The following PPP1R16B variants were observed in gnomAD, a reference collection of about 807,000 sequenced individuals.
The protein encoded by PPP1R16B is protein phosphatase 1 regulatory inhibitor subunit 16B.
Under a neutral mutation model 61.7 loss-of-function variants are expected in PPP1R16B, and 14 were observed. That is an observed-to-expected ratio of 0.23 (90% confidence interval 0.15 to 0.35). PPP1R16B has a LOEUF of 0.35. PPP1R16B is among the 10% of genes least tolerant of loss of function. The pLI, the probability that PPP1R16B is intolerant of heterozygous loss-of-function variation, is 1.00. For synonymous variants in PPP1R16B, 266 were observed against 305.3 expected, an observed-to-expected ratio of 0.87 and a Z score of 1.34; for missense variants, 547 against 752.5, an observed-to-expected ratio of 0.73 and a Z score of 3.19.
At chr20:38,904,309 C>A (rs545210046) in intron 6 of PPP1R16B, among the ~76,000 whole-genome samples, 1 of 152,312 alleles carries the variant, frequency 6.6e-6, no homozygotes, top group South Asian at 2.1e-4. Flanking sequence ...TGGGGCTGGC[C>A]TCAGGGTGGC....
intron 10 of PPP1R16B, among the ~76,000 whole-genome samples, chr20:38,909,355 G>A (rs1198154119): frequency 2.6e-5 from 4 of 152,184 alleles, no homozygotes; most frequent in Non-Finnish European, 5.9e-5. Flanking sequence ...TGCCAATCCA[G>A]TATGACCTAA....
At chr20:38,865,544 G>C (rs2085084780) in intron 2 of PPP1R16B, among the ~76,000 whole-genome samples, 1 of 152,116 alleles carries the variant, frequency 6.6e-6, no homozygotes, top group Non-Finnish European at 1.5e-5. Context: ...GCCTGCCTCG[G>C]CCTCCTAAAG....
intron 1 of PPP1R16B, among the ~76,000 whole-genome samples, chr20:38,834,211 A>G (rs1232954857): frequency 6.6e-6 from 1 of 152,128 alleles, no homozygotes; most frequent in Non-Finnish European, 1.5e-5. Flanking sequence ...GGGTCTCGCT[A>G]TGTTCCCCAG....
chr20:38,895,834 C>CCCTCCCTCCCTCCTTCCTTCTTTCT (rs2085332784), intron 4 of PPP1R16B, 124 bp downstream of exon 4: 2 of 986,398 alleles, frequency 2.0e-6, no homozygotes, highest in African/African-American at 1.9e-5. Flanking sequence ...CCTTCTTTCT[C>CCCTCCCTCCCTCCTTCCTTCTTTCT]TCCTCCCTTC....
At chr20:38,807,970 T>G (rs574141457) in intron 1 of PPP1R16B, among the ~76,000 whole-genome samples, 2 of 152,296 alleles carry the variant, frequency 1.3e-5, no homozygotes, top group Admixed American at 6.5e-5. Context: ...GACTTTGCTC[T>G]CCCTGGTAAT....
intron 2 of PPP1R16B, among the ~76,000 whole-genome samples, chr20:38,855,128 C>T (rs1321068771): frequency 7.9e-5 from 12 of 152,066 alleles, no homozygotes; most frequent in Non-Finnish European, 1.5e-4. Context: ...AGAAAAGGAC[C>T]TGCCCCCTGA....
At position 38,895,603 on chromosome 20, in the gene PPP1R16B, C is replaced by G. The variant is rs148704863; in HGVS notation, c.360C>G (p.Leu120=). 8.2e-5 allele frequency: 132 copies of G among 1,613,618 alleles called. No homozygotes were observed. In the African/African-American group the frequency reaches 1.7e-3, roughly 20 times the overall value. ...ACTTTGAGGAAATTGTGAAGCTGCT[C>G]CTCTCCCATGGTGCCAATGTGAACG... ...IDNFEEIVKL[L]LSHGANVNAK... The change falls in exon 4 of 11, where the codon CTC becomes CTG. Residue 120 remains leucine, a synonymous_variant. Coordinates refer to ENST00000299824, the MANE Select transcript of PPP1R16B (RefSeq NM_015568.4).
At chr20:38,831,384 G>T (rs1297137291) in intron 1 of PPP1R16B, among the ~76,000 whole-genome samples, 1 of 152,242 alleles carries the variant, frequency 6.6e-6, no homozygotes, top group East Asian at 1.9e-4. Context: ...GCCCTGTCTT[G>T]GGGCCGCCTA....
At chr20:38,899,833 A>G (rs558507731) in intron 4 of PPP1R16B, among the ~76,000 whole-genome samples, 3 of 150,626 alleles carry the variant, frequency 2.0e-5, no homozygotes, top group African/African-American at 4.9e-5. Context: ...GTCTTGCTCT[A>G]TCACCCAGGC....
intron 10 of PPP1R16B, among the ~76,000 whole-genome samples, chr20:38,914,659 G>A (rs902941327): frequency 7.9e-5 from 12 of 152,086 alleles, no homozygotes; most frequent in African/African-American, 2.7e-4. Flanking sequence ...ATGGATATAG[G>A]TGGGTTTTGT....
intron 5 of PPP1R16B, among the ~76,000 whole-genome samples, chr20:38,901,560 C>T (rs1456077173): frequency 6.6e-6 from 1 of 152,184 alleles, no homozygotes; most frequent in Non-Finnish European, 1.5e-5. Flanking sequence ...TAGGCATGCA[C>T]CACCATGCCC....
At chr20:38,896,030 T>TCCCTC (rs2085341256) in intron 4 of PPP1R16B, among the ~76,000 whole-genome samples, 1 of 119,392 alleles carries the variant, frequency 8.4e-6, no homozygotes, top group Admixed American at 8.7e-5. Flanking sequence ...TTCTTTCCTC[T>TCCCTC]CTTCCTTCTT....
At chr20:38,816,411 A>G (rs947384402) in intron 1 of PPP1R16B, among the ~76,000 whole-genome samples, 1 of 152,236 alleles carries the variant, frequency 6.6e-6, no homozygotes, top group Non-Finnish European at 1.5e-5. Context: ...AGGGATTACA[A>G]GCAGGTGTGC....
At chr20:38,834,542 G>T (rs1197664022) in intron 1 of PPP1R16B, among the ~76,000 whole-genome samples, 1 of 151,988 alleles carries the variant, frequency 6.6e-6, no homozygotes, top group East Asian at 1.9e-4. Context: ...TTTTTTAAAG[G>T]TCATCCAAAG....
chr20:38,844,356 G>C (rs1178830159), intron 2 of PPP1R16B, among the ~76,000 whole-genome samples: 1 of 152,178 alleles, frequency 6.6e-6, no homozygotes, highest in Non-Finnish European at 1.5e-5. Flanking sequence ...AACAAATGCT[G>C]TCAGTTGTGA....
chr20:38,880,960 C>T (rs1291019037), intron 2 of PPP1R16B, among the ~76,000 whole-genome samples: 1 of 152,172 alleles, frequency 6.6e-6, no homozygotes, highest in Non-Finnish European at 1.5e-5. Flanking sequence ...TTCCACGCGT[C>T]TTCACACGGT....
intron 2 of PPP1R16B, among the ~76,000 whole-genome samples, chr20:38,846,264 A>G (rs1245145176): frequency 6.6e-6 from 1 of 152,222 alleles, no homozygotes. Flanking sequence ...AGTCATCAGC[A>G]TGATACAAGT....
chr20:38,832,616 T>C (rs904794096), intron 1 of PPP1R16B, among the ~76,000 whole-genome samples: 3 of 152,130 alleles, frequency 2.0e-5, no homozygotes, highest in Admixed American at 2.0e-4. Context: ...GTTGGGCAGT[T>C]TTCTTTTAAA....
At chr20:38,846,948 G>A (rs937747418) in intron 2 of PPP1R16B, among the ~76,000 whole-genome samples, 8 of 152,196 alleles carry the variant, frequency 5.3e-5, no homozygotes, top group Non-Finnish European at 1.0e-4. Context: ...AAGGTTGTAA[G>A]CTGTGATTGT....
Sources: gnomAD v4.1 joint callset for allele counts (sites outside exome capture counted in the v4.1 genomes callset) on GRCh38, gnomAD v4.1.1 for gene constraint, MANE v1.5 for transcripts, NCBI Gene and HGNC (gene_info 2026-07-23, HGNC 2026-07-21) for gene names.